The following HHLA1 variants were observed in gnomAD, a reference collection of about 807,000 sequenced individuals.
HHLA1 encodes HHLA1 neighbor of OC90.
A neutral mutation model predicts 69.9 loss-of-function variants in HHLA1; 72 were observed. That is an observed-to-expected ratio of 1.03 (90% CI 0.85 to 1.25). The LOEUF (loss-of-function observed/expected upper bound fraction) is 1.25, where lower values mean the gene tolerates loss of function less well. Ranked by LOEUF, HHLA1 falls within the 50% of genes most tolerant of loss-of-function variation. The pLI, the probability that HHLA1 is intolerant of heterozygous loss-of-function variation, is 0.00. For synonymous variants in HHLA1, 252 were observed against 233.2 expected (o/e 1.08, Z -0.73); for missense variants, 685 against 642.2 (o/e 1.07, Z -0.72).
chr8:132,099,004 C>G, intron 4 of HHLA1, 42 bp from the exon 5 acceptor site: 1 of 1,391,128 alleles, frequency 7.2e-7, no homozygotes, highest in East Asian at 2.5e-5. Flanking sequence ...AGGCTTTTCT[C>G]GGCAAGAGAA....
chr8:132,087,880 T>A lies in HHLA1; in HGVS notation c.554A>T (p.Asp185Val). The A allele has an allele frequency of 6.4e-7, 1 of 1,551,590 alleles. No homozygotes were observed. The highest frequency in any genetic ancestry group is 8.7e-7 in the Non-Finnish European group (1 of 1,146,736). ...ILSVNQSNES[D>V]CIFICVMTGK... The stretch of plus-strand genomic sequence containing the variant: ...TGTCATCACACAGATGAAGATGCAA[T>A]CTGATTCATTGCTTTGATTCACTGT... Residue 185 changes from aspartate to valine, a missense_variant, in exon 9 of 17, where the codon GAT becomes GTT. Transcript: ENST00000414222.
chr8:132,093,192 G>T (rs1213221032), intron 7 of HHLA1, among the ~76,000 whole-genome samples: 2 of 152,160 alleles, frequency 1.3e-5, no homozygotes, highest in Non-Finnish European at 2.9e-5. Context: ...AGATAAGTGG[G>T]TTATATAGGT....
rs946861391 is a variant in HHLA1 at position 132,062,135 on chromosome 8, A to G, written c.*1860T>C. On this transcript the variant is annotated 3_prime_UTR_variant, in exon 17 of 17. Coordinates refer to ENST00000414222, the MANE Select transcript of HHLA1 (RefSeq NM_001145095.3). ...CGCAAGGGTTGAATCAAATTAATCC[A>G]TGCTTAATGAGTTTGCTTGGTTCCT... 1 of 152,168 alleles carries G rather than the reference A, an allele frequency of 6.6e-6. No homozygotes were observed. The highest frequency in any genetic ancestry group is 6.5e-5 in the Admixed American group (1 of 15,282). The allele number at this position is 152,168 out of a possible 1,614,324, so 9.4% of individuals were successfully genotyped here.
intron 13 of HHLA1, 101 bp from the exon 14 acceptor site, chr8:132,076,230 G>T: frequency 1.1e-6 from 1 of 910,606 alleles, no homozygotes; most frequent in Non-Finnish European, 1.7e-6. Flanking sequence ...AATCATTCTT[G>T]AAATCTATAG....
chr8:132,084,637 G>A (rs1563744812), intron 10 of HHLA1, among the ~76,000 whole-genome samples: 1 of 152,094 alleles, frequency 6.6e-6, no homozygotes. Flanking sequence ...TTTTAGGTCA[G>A]GTGTGAGTTG....
intron 10 of HHLA1, among the ~76,000 whole-genome samples, chr8:132,084,866 TAAGC>T (rs1462329035): frequency 5.9e-5 from 9 of 151,272 alleles, no homozygotes; most frequent in Non-Finnish European, 8.8e-5. Flanking sequence ...GGTGTGGAAA[TAAGC>T]GATTGGGGGG....
chr8:132,083,157 G>A (rs1823789507), intron 10 of HHLA1, among the ~76,000 whole-genome samples: 1 of 152,078 alleles, frequency 6.6e-6, no homozygotes, highest in African/African-American at 2.4e-5. Context: ...AGATATAGCT[G>A]TAGTCCAGGA....
intron 15 of HHLA1, among the ~76,000 whole-genome samples, chr8:132,071,069 C>T (rs1823532016): frequency 6.6e-6 from 1 of 152,172 alleles, no homozygotes; most frequent in South Asian, 2.1e-4. Context: ...CAACTCAACT[C>T]CAATTCAATT....
At chr8:132,071,647 T>C (rs562950419) in intron 14 of HHLA1, among the ~76,000 whole-genome samples, 154 bp from the exon 15 acceptor site, 1 of 152,300 alleles carries the variant, frequency 6.6e-6, no homozygotes, top group Admixed American at 6.5e-5. Context: ...CATTACCCAA[T>C]AAAGCTACTG....
At chr8:132,070,492 A>G (rs1823514402) in intron 15 of HHLA1, 6 of 650,836 alleles carry the variant, frequency 9.2e-6, no homozygotes, top group Non-Finnish European at 1.7e-5. Context: ...ATCCTCTGCC[A>G]TAATTCTACT....
chr8:132,106,857 T>C (rs1824210271), intron 1 of HHLA1, among the ~76,000 whole-genome samples: 1 of 152,196 alleles, frequency 6.6e-6, no homozygotes, highest in African/African-American at 2.4e-5. Flanking sequence ...GGGGTGGAAG[T>C]GGGCAGGCAA....
chr8:132,094,647 C>G (rs1388876464), intron 7 of HHLA1, among the ~76,000 whole-genome samples: 1 of 152,222 alleles, frequency 6.6e-6, no homozygotes, highest in African/African-American at 2.4e-5. Context: ...GCAATATCCC[C>G]CACTGTGACT....
intron 12 of HHLA1, among the ~76,000 whole-genome samples, chr8:132,076,858 A>C (rs1823654652): frequency 6.6e-6 from 1 of 152,122 alleles, no homozygotes; most frequent in Non-Finnish European, 1.5e-5. Flanking sequence ...TGGGTGATCC[A>C]GGGCAAAGAA....
At chr8:132,065,412 G>C (rs901072747) in intron 16 of HHLA1, among the ~76,000 whole-genome samples, 17 of 152,252 alleles carry the variant, frequency 1.1e-4, no homozygotes, top group African/African-American at 3.9e-4. Flanking sequence ...CTCCCGAGTA[G>C]CTGGGACTAC....
intron 15 of HHLA1, among the ~76,000 whole-genome samples, chr8:132,066,749 G>C (rs1277992612): frequency 1.3e-5 from 2 of 152,226 alleles, no homozygotes; most frequent in African/African-American, 4.8e-5. Flanking sequence ...AGCTGTGGTA[G>C]AGATTTTCCA....
chr8:132,101,021 G>C (rs1824102985), intron 3 of HHLA1, among the ~76,000 whole-genome samples: 1 of 151,924 alleles, frequency 6.6e-6, no homozygotes, highest in Non-Finnish European at 1.5e-5. Flanking sequence ...ATCTTATTGG[G>C]GTCACAGAGA....
chr8:132,090,329 T>A (rs899298108), intron 7 of HHLA1, among the ~76,000 whole-genome samples: 6 of 152,222 alleles, frequency 3.9e-5, no homozygotes, highest in African/African-American at 1.2e-4. Context: ...TGTTCATTTA[T>A]GGCTTTCCAC....
At chr8:132,090,077 C>T (rs905367564) in intron 7 of HHLA1, among the ~76,000 whole-genome samples, 1 of 152,206 alleles carries the variant, frequency 6.6e-6, no homozygotes, top group Non-Finnish European at 1.5e-5. Flanking sequence ...AGAGACAAGA[C>T]AAGACACTTT....
Position 132,087,742 on chromosome 8 carries a change from G to A in HHLA1, c.590-3C>T, listed in dbSNP as rs115213765. The stretch of plus-strand genomic sequence containing the variant: ...CCAGAAGTCAGAAAGATTCCTTCCT[G>A]CAAAAATCACACCAACAGGGTCAGA... On this transcript the variant is annotated splice_region_variant and splice_polypyrimidine_tract_variant and intron_variant, in intron 9 of 16. Coordinates refer to ENST00000414222, the MANE Select transcript of HHLA1 (RefSeq NM_001145095.3). 3.3e-4 allele frequency: 508 copies of A among 1,549,868 alleles called. 4 individuals are homozygous for A. The African/African-American group carries it at 6.5e-3, about 20-fold the overall frequency.
Sources: gnomAD v4.1 joint callset for allele counts (sites outside exome capture counted in the v4.1 genomes callset) on GRCh38, gnomAD v4.1.1 for gene constraint, MANE v1.5 for transcripts, NCBI Gene and HGNC (gene_info 2026-07-23, HGNC 2026-07-21) for gene names.